NXPE3: variants seen among roughly 807,000 people sequenced by gnomAD.
NXPE3 encodes the protein NXPE family member 3.
Under a neutral mutation model 46.1 loss-of-function variants are expected in NXPE3, and 26 were observed. The ratio of observed to expected loss-of-function variants is 0.56; its 90% confidence interval spans 0.41 to 0.78. The LOEUF (loss-of-function observed/expected upper bound fraction) is 0.78. NXPE3 is among the 30% of genes least tolerant of loss of function. NXPE3 has a pLI of 0.00. For synonymous variants in NXPE3, 272 were observed against 257.9 expected (o/e 1.05, Z -0.52); for missense variants, 620 against 686.0 (o/e 0.90, Z 1.07).
chr3:101,786,129 T>G (rs1940160552), intron 4 of NXPE3, among the ~76,000 whole-genome samples: 1 of 152,144 alleles, frequency 6.6e-6, no homozygotes, highest in Non-Finnish European at 1.5e-5. Flanking sequence ...TAGATGAGTC[T>G]GTGTTGGAGA....
chr3:101,798,606 T>A (rs57679743), intron 4 of NXPE3, among the ~76,000 whole-genome samples: 43,750 of 124,992 alleles, frequency 0.35, 6,673 homozygotes, highest in East Asian at 0.51. Flanking sequence ...ATATATATTT[T>A]TTTTTTTTTT....
chr3:101,805,681 T>G (rs1418574813), intron 5 of NXPE3, among the ~76,000 whole-genome samples: 2 of 152,136 alleles, frequency 1.3e-5, no homozygotes, highest in Admixed American at 6.6e-5. Flanking sequence ...CTCAAGGATA[T>G]CTGCCCGTCT....
intron 4 of NXPE3, among the ~76,000 whole-genome samples, chr3:101,791,823 G>A (rs1007440846): frequency 1.2e-4 from 19 of 152,290 alleles, no homozygotes; most frequent in African/African-American, 2.9e-4. Flanking sequence ...AAGATTGCTG[G>A]TGGAATCGTA....
At chr3:101,781,617 G>C (rs1033704810) in intron 1 of NXPE3, 4 of 152,112 alleles carry the variant, frequency 2.6e-5, no homozygotes, top group African/African-American at 9.7e-5. Flanking sequence ...TTAACTTTTT[G>C]CTTGTTCTTT....
chr3:101,790,689 C>G (rs1327141327), intron 4 of NXPE3, among the ~76,000 whole-genome samples: 1 of 152,092 alleles, frequency 6.6e-6, no homozygotes, highest in Non-Finnish European at 1.5e-5. Flanking sequence ...GTCTCGCGGG[C>G]TCAAGTGATC....
At chr3:101,803,006 C>T (rs1369592820) in intron 5 of NXPE3, among the ~76,000 whole-genome samples, 1 of 152,190 alleles carries the variant, frequency 6.6e-6, no homozygotes, top group Non-Finnish European at 1.5e-5. Flanking sequence ...CACAATTGCA[C>T]TACAGCCTGG....
chr3:101,810,696 G>A (rs907327094), intron 6 of NXPE3, among the ~76,000 whole-genome samples: 42 of 152,302 alleles, frequency 2.8e-4, no homozygotes, highest in African/African-American at 8.7e-4. Context: ...ACATGGCTAG[G>A]AATATAGGCA....
chr3:101,815,020 C>G (rs1309693209), intron 6 of NXPE3, among the ~76,000 whole-genome samples: 1 of 152,144 alleles, frequency 6.6e-6, no homozygotes, highest in Non-Finnish European at 1.5e-5. Flanking sequence ...TGAGATAATA[C>G]GTTTGCTCAG....
chr3:101,825,340 T>C lies in NXPE3; in HGVS notation c.*3386T>C, dbSNP rs978287491. The C allele has an allele frequency of 6.6e-6, 1 of 152,256 alleles. No homozygotes were observed. The highest frequency in any genetic ancestry group is 2.4e-5 in the African/African-American group (1 of 41,466). The allele number at this position is 152,256 out of a possible 1,614,324, so 9.4% of individuals were successfully genotyped here. On this transcript the variant is annotated 3_prime_UTR_variant, in exon 8 of 8. Transcript: ENST00000273347. ...TCACTTAAACGTTTCCCAGAATATT[T>C]AGATAGAATAATTTAGTTTCTTCTG...
chr3:101,788,802 G>A (rs1368889460), intron 4 of NXPE3, among the ~76,000 whole-genome samples: 1 of 152,098 alleles, frequency 6.6e-6, no homozygotes, highest in Non-Finnish European at 1.5e-5. Context: ...TTTTAGTAGA[G>A]ATGGGGTTTT....
chr3:101,784,099 A>C (rs573285944), intron 3 of NXPE3, among the ~76,000 whole-genome samples: 4 of 152,362 alleles, frequency 2.6e-5, no homozygotes, highest in Admixed American at 6.5e-5. Context: ...GTAGGCCTCC[A>C]TAATTATTTG....
Position 101,822,044 on chromosome 3 carries a change from C to T in NXPE3, c.*90C>T. On this transcript the variant is annotated 3_prime_UTR_variant, in exon 8 of 8. Coordinates refer to ENST00000273347, the MANE Select transcript of NXPE3 (RefSeq NM_145037.4). ...AAGTGGCCCCAGTGAGAGATGACTG[C>T]CCTTAATAAGTATAAAATTTCAAAA... 1 of 1,138,880 alleles carries T rather than the reference C, an allele frequency of 8.8e-7. No individual in the cohort carries two copies. The highest frequency in any genetic ancestry group is 1.5e-5 in the South Asian group (1 of 66,748). 70.5% of individuals were successfully genotyped at this position (1,138,880 alleles called of 1,614,324 possible).
chr3:101,808,842 T>C (rs113563070), intron 6 of NXPE3, among the ~76,000 whole-genome samples: 1,778 of 59,952 alleles, frequency 0.03, 154 homozygotes, highest in Middle Eastern at 0.11. Flanking sequence ...TATATATATA[T>C]ATATATATAT....
chr3:101,785,845 A>T (rs1301890350), intron 4 of NXPE3, among the ~76,000 whole-genome samples, 156 bp downstream of exon 4: 1 of 152,178 alleles, frequency 6.6e-6, no homozygotes, highest in African/African-American at 2.4e-5. Flanking sequence ...CAATGGTTAT[A>T]TACGCTGCTA....
intron 7 of NXPE3, among the ~76,000 whole-genome samples, chr3:101,820,929 C>T (rs2107360922): frequency 6.6e-6 from 1 of 152,228 alleles, no homozygotes; most frequent in East Asian, 1.9e-4. Context: ...GGGTACTGGG[C>T]TTAAAACCTG....
rs1011184649 is a variant in NXPE3 at position 101,824,688 on chromosome 3, C to G, written c.*2734C>G. Reference sequence around the variant, plus strand: ...TAAACTCCTGAGCTCAAGCATCTGCCCACCTCAGCTTCCCAAAGTGCTGGG... The same window carrying G: ...TAAACTCCTGAGCTCAAGCATCTGCGCACCTCAGCTTCCCAAAGTGCTGGG... On this transcript the variant is annotated 3_prime_UTR_variant, in exon 8 of 8. Coordinates refer to ENST00000273347, the MANE Select transcript of NXPE3 (RefSeq NM_145037.4). 3 of 152,240 alleles carry G rather than the reference C, an allele frequency of 2.0e-5. No homozygotes were observed. The highest frequency in any genetic ancestry group is 7.2e-5 in the African/African-American group (3 of 41,410). The allele number at this position is 152,240 out of a possible 1,614,324, so 9.4% of individuals were successfully genotyped here.
At chr3:101,814,791 G>GA (rs112517989) in intron 6 of NXPE3, among the ~76,000 whole-genome samples, 39 of 144,418 alleles carry the variant, frequency 2.7e-4, no homozygotes, top group Non-Finnish European at 2.9e-4. Context: ...ATACCTTCAA[G>GA]AAAAAAAAAA....
chr3:101,794,878 C>A (rs1282261245), intron 4 of NXPE3, among the ~76,000 whole-genome samples: 2 of 152,184 alleles, frequency 1.3e-5, no homozygotes, highest in African/African-American at 4.8e-5. Context: ...TTTGAACGAA[C>A]TAACTCTTCT....
chr3:101,789,646 C>T (rs1409933888), intron 4 of NXPE3, among the ~76,000 whole-genome samples: 1 of 152,146 alleles, frequency 6.6e-6, no homozygotes, highest in Non-Finnish European at 1.5e-5. Context: ...TTTCATTCAG[C>T]TGAATTACAT....
Sources: allele counts gnomAD v4.1 joint callset (sites outside exome capture counted in the v4.1 genomes callset), GRCh38; gene constraint gnomAD v4.1.1; transcripts MANE v1.5; gene names NCBI Gene and HGNC (gene_info 2026-07-23, HGNC 2026-07-21).